The following ZNF554 variants were observed in gnomAD, a reference collection of about 807,000 sequenced individuals.
The protein encoded by ZNF554 is zinc finger protein 554.
In ZNF554, 15 loss-of-function variants were observed where a neutral mutation model predicts 21.2. The ratio of observed to expected loss-of-function variants is 0.71; its 90% CI spans 0.47 to 1.09. ZNF554 has a LOEUF of 1.09. ZNF554 is among the 50% of genes least tolerant of loss of function. ZNF554 has a pLI of 0.00. For missense variants in ZNF554, 691 were observed against 662.7 expected, an observed-to-expected ratio of 1.04 and a Z score of -0.47; for synonymous variants, 258 against 251.4, an observed-to-expected ratio of 1.03 and a Z score of -0.25.
chr19:2,823,135 A>G, intron 2 of ZNF554, 23 bp downstream of exon 2: 2 of 1,607,624 alleles, frequency 1.2e-6, no homozygotes, highest in Non-Finnish European at 1.7e-6. Flanking sequence ...CATTCTCCCA[A>G]AGGGCACCCA....
chr19:2,832,227 A>G, intron 3 of ZNF554, 76 bp from the exon 4 acceptor site: 1 of 1,436,008 alleles, frequency 7.0e-7, no homozygotes, highest in South Asian at 1.4e-5. Flanking sequence ...TGCCTGGCAC[A>G]GATCTGTAAT....
In ZNF554 at chr19:2,829,161, C is replaced by T. The variant is rs567400259; in HGVS notation, c.253+1418C>T. Among the ~76,000 whole-genome samples the T allele has an allele frequency of 2.0e-5, 3 of 151,376 alleles. No individual in the cohort carries two copies. In the South Asian group the frequency reaches 6.3e-4, roughly 32 times the overall value. ...ATCACTTGAGGCCAGGAGTTTGAGA[C>T]CAGCCTGACCAATGTGGCAAAACCC... On this transcript the variant is annotated intron_variant, in intron 3 of 4. Transcript: ENST00000317243.
chr19:2,833,918 T>G lies in ZNF554; in HGVS notation c.683T>G (p.Leu228Arg), dbSNP rs551439986. 2 of 1,614,060 alleles carry G rather than the reference T, an allele frequency of 1.2e-6. No homozygotes were observed. The highest frequency in any genetic ancestry group is 3.3e-5 in the Admixed American group (2 of 60,016). ...CATGGATTTGGGGAAAATGGTAATC[T>G]GAGCCCAGCCCTTGTTTTATCACAG... ...AWHGFGENGN[L>R]SPALVLSQGS... Residue 228 changes from leucine (L) to arginine (R), a missense_variant, in exon 5 of 5, where the codon CTG (leucine) becomes CGG (arginine). Leu to Arg is a moderately radical substitution (Grantham distance 102). Coordinates refer to ENST00000317243, the MANE Select transcript of ZNF554 (RefSeq NM_001102651.2).
chr19:2,830,514 A>G (rs1287378496), intron 3 of ZNF554: 2 of 152,234 alleles, frequency 1.3e-5, no homozygotes, highest in Non-Finnish European at 2.9e-5. Context: ...CTTTGGGTCA[A>G]TACTAGGAGT....
intron 4 of ZNF554, 69 bp downstream of exon 4, chr19:2,832,563 C>G: frequency 6.9e-7 from 1 of 1,456,106 alleles, no homozygotes; most frequent in East Asian, 2.3e-5. Flanking sequence ...TCAGAGAGCT[C>G]TTCACAAGGC....
chr19:2,820,683 C>CTTTTTTTTTTTTTTTTTTTTTT lies in ZNF554; in HGVS notation c.53+559_53+560insTTTTTTTTTTTTTTTTTTTTTT, dbSNP rs1568330714. ...GTCCTGGTGATAAGACAGCAAGGGT[C>CTTTTTTTTTTTTTTTTTTTTTT]CTTTTTTTTTTTTTTTTGAGACGGA... is the stretch of plus-strand genomic sequence containing the variant. On this transcript the variant is annotated intron_variant, in intron 1 of 4. Coordinates refer to ENST00000317243, the MANE Select transcript of ZNF554 (RefSeq NM_001102651.2). Among the ~76,000 whole-genome samples the CTTTTTTTTTTTTTTTTTTTTTT allele has an allele frequency of 3.9e-4, 32 of 81,854 alleles. 1 individual carries two copies. The highest frequency in any genetic ancestry group is 1.9e-3 in the African/African-American group (31 of 16,514). The allele number at this position is 81,854 out of a possible 152,430, so 53.7% of individuals were successfully genotyped here.
rs756838157 is a variant in ZNF554, at chr19:2,834,109, G to A, written c.874G>A (p.Gly292Arg). 2.4e-5 allele frequency: 39 copies of A among 1,613,830 alleles called. No individual in the cohort carries two copies. Among genetic ancestry groups the A allele is most frequent in the Admixed American group, 1.0e-4 (6 of 59,922 alleles). The change falls in exon 5 of 5, where the codon GGG becomes AGG. Residue 292 changes from glycine (G) to arginine (R), a missense_variant. Gly to Arg is a moderately radical substitution (Grantham distance 125). Transcript: ENST00000317243. ...IRQNSHFIQH[G>R]GKMFVYLENG... Reference sequence around the variant, plus strand: ...CCAGAACAGTCACTTTATTCAACACGGGGGGAAGATGTTTGTGTATTTGGA... The same window carrying A: ...CCAGAACAGTCACTTTATTCAACACAGGGGGAAGATGTTTGTGTATTTGGA...
At chr19:2,832,033 C>G (rs1459059765) in intron 3 of ZNF554, 2 of 232,164 alleles carry the variant, frequency 8.6e-6, no homozygotes, top group Non-Finnish European at 1.7e-5. Flanking sequence ...TCAAGTGATT[C>G]TCCCACCTCA....
In ZNF554 at chr19:2,820,134, G is replaced by A. The variant is rs997432812; in HGVS notation, c.53+10G>A. On this transcript the variant is annotated intron_variant, in intron 1 of 4. Transcript: ENST00000317243. ...TCCCGGCAGCTCAGCCGTAAGTGCCGCCGCCTCCCGCGCCGCGACCTCCGT... is the reference window on the plus strand; with the variant it reads ...TCCCGGCAGCTCAGCCGTAAGTGCCACCGCCTCCCGCGCCGCGACCTCCGT... 1.6e-5 allele frequency: 20 copies of A among 1,219,080 alleles called. No individual in the cohort carries two copies. In the African/African-American group the frequency reaches 3.0e-4, roughly 18 times the overall value. 75.5% of individuals were successfully genotyped at this position (1,219,080 alleles called of 1,614,324 possible).
intron 2 of ZNF554, 105 bp downstream of exon 2, chr19:2,823,217 T>A: frequency 8.8e-7 from 1 of 1,137,422 alleles, no homozygotes; most frequent in Non-Finnish European, 1.2e-6. Context: ...ATGTGAAAGT[T>A]CAGGAGAATT....
At position 2,834,803 on chromosome 19, in the gene ZNF554, TTGAC is replaced by T. The variant is rs1422460344; in HGVS notation, c.1571_1574del (p.Asp524ValfsTer42). 1 of 1,609,664 alleles carries T rather than the reference TTGAC, an allele frequency of 6.2e-7. No individual in the cohort carries two copies. Among genetic ancestry groups the T allele is most frequent in the East Asian group, 2.2e-5 (1 of 44,756 alleles). On this transcript the variant is annotated frameshift_variant, in exon 5 of 5. Coordinates refer to ENST00000317243, the MANE Select transcript of ZNF554 (RefSeq NM_001102651.2). LOFTEE classifies it low-confidence loss of function (END_TRUNC). ...AGCAGCCAGAAAACCTATAAAATCA[TTGAC>T]TGTGGGAAAGCGTTCTACCAGAACA...
rs2087434827 is a variant in ZNF554 at position 2,832,468 on chromosome 19, AAG to A, written c.420_421del (p.Gly141AsnfsTer53). ...AGAGAAGCCCTGTGGATAGAGGAAA[AAG>A]GAACTCCTCAAGCCTCCTGTTCAGG... On this transcript the variant is annotated frameshift_variant, in exon 4 of 5. Coordinates refer to ENST00000317243, the MANE Select transcript of ZNF554 (RefSeq NM_001102651.2). LOFTEE classifies it low-confidence loss of function (END_TRUNC). 1.9e-6 allele frequency: 3 copies of A among 1,610,034 alleles called. No homozygotes were observed. The highest frequency in any genetic ancestry group is 1.7e-5 in the Admixed American group (1 of 58,818).
At chr19:2,830,296 G>A (rs1368312224) in intron 3 of ZNF554, among the ~76,000 whole-genome samples, 1 of 152,088 alleles carries the variant, frequency 6.6e-6, no homozygotes, top group Non-Finnish European at 1.5e-5. Context: ...GATTTCACTG[G>A]GTGTGATGTT....
intron 2 of ZNF554, among the ~76,000 whole-genome samples, chr19:2,826,840 T>A (rs867450490): frequency 6.6e-6 from 1 of 152,092 alleles, no homozygotes; most frequent in Non-Finnish European, 1.5e-5. Context: ...TTTTTTGTAT[T>A]TTTAGTAGAG....
intron 3 of ZNF554, among the ~76,000 whole-genome samples, chr19:2,828,955 A>G (rs1192233656): frequency 6.6e-6 from 1 of 152,112 alleles, no homozygotes; most frequent in Non-Finnish European, 1.5e-5. Context: ...GGAGATTACA[A>G]TTCGAGGTGA....
At chr19:2,833,603 G>A in intron 4 of ZNF554, 78 bp from the exon 5 acceptor site, 1 of 1,262,034 alleles carries the variant, frequency 7.9e-7, no homozygotes, top group Non-Finnish European at 1.1e-6. Context: ...GTAGATGTCA[G>A]AAGGACTTCT....
chr19:2,833,563 G>T, intron 4 of ZNF554, 118 bp from the exon 5 acceptor site: 1 of 806,842 alleles, frequency 1.2e-6, no homozygotes, highest in Non-Finnish European at 1.9e-6. Flanking sequence ...GTTCAGAGTT[G>T]ATATTTGAAC....
chr19:2,833,571 A>G, intron 4 of ZNF554, 110 bp from the exon 5 acceptor site: 1 of 879,410 alleles, frequency 1.1e-6, no homozygotes, highest in Admixed American at 2.8e-5. Flanking sequence ...TTGATATTTG[A>G]ACATCAGTCC....
In ZNF554 at chr19:2,836,194, C is replaced by T. The variant is rs1481334753; in HGVS notation, c.*1342C>T. Among the ~76,000 whole-genome samples, 8 of 130,854 alleles carry T rather than the reference C, an allele frequency of 6.1e-5. No homozygotes were observed. Among genetic ancestry groups the T allele is most frequent in the Non-Finnish European group, 8.3e-5 (5 of 60,124 alleles). 85.8% of individuals were successfully genotyped at this position (130,854 alleles called of 152,430 possible). A position where few individuals can be genotyped will look rare whatever the true frequency, so the allele number is the denominator to read the frequency against. On this transcript the variant is annotated 3_prime_UTR_variant, in exon 5 of 5. Coordinates refer to ENST00000317243, the MANE Select transcript of ZNF554 (RefSeq NM_001102651.2). ...GCGTGAGCTGCCCATGCTGGGATTACGGGTGTGAGCCACCGTGCTGGTATT... is the reference window on the plus strand; with the variant it reads ...GCGTGAGCTGCCCATGCTGGGATTATGGGTGTGAGCCACCGTGCTGGTATT...
Sources: allele counts gnomAD v4.1 joint callset (sites outside exome capture counted in the v4.1 genomes callset), GRCh38; gene constraint gnomAD v4.1.1; transcripts MANE v1.5; gene names NCBI Gene and HGNC (gene_info 2026-07-23, HGNC 2026-07-21).